PACRG: variants seen among roughly 807,000 people sequenced by gnomAD.
PACRG encodes parkin coregulated.
A neutral mutation model predicts 29.7 loss-of-function variants in PACRG; 29 were observed. The observed-to-expected ratio is 0.98, with a 90% CI of 0.73 to 1.33. The LOEUF is 1.33. PACRG is among the 40% of genes most tolerant of loss of function. The probability of loss-of-function intolerance (pLI) is 0.00; values close to 1 mark genes in which losing one functional copy is unlikely to be tolerated. For missense variants in PACRG, 279 were observed against 316.2 expected (o/e 0.88, Z 0.89); for synonymous variants, 116 against 118.7 (o/e 0.98, Z 0.15).
intron 2 of PACRG, among the ~76,000 whole-genome samples, chr6:162,995,580 T>G (rs991738040): frequency 6.6e-6 from 1 of 152,258 alleles, no homozygotes; most frequent in African/African-American, 2.4e-5. Context: ...CGTGAGGCAA[T>G]GCCTTGCCCT....
intron 1 of PACRG, among the ~76,000 whole-genome samples, chr6:162,752,849 GA>G (rs1188247232): frequency 3.3e-5 from 5 of 152,138 alleles, no homozygotes; most frequent in Non-Finnish European, 7.4e-5. Flanking sequence ...GTATTGTTGA[GA>G]TTTGTATGCT....
At chr6:163,255,189 T>C (rs1783059160) in intron 4 of PACRG, among the ~76,000 whole-genome samples, 1 of 152,086 alleles carries the variant, frequency 6.6e-6, no homozygotes, top group African/African-American at 2.4e-5. Flanking sequence ...GCTGTCTACA[T>C]AGAATTGTTG....
At chr6:162,825,694 G>T (rs1343247367) in intron 2 of PACRG, among the ~76,000 whole-genome samples, 1 of 151,918 alleles carries the variant, frequency 6.6e-6, no homozygotes, top group Admixed American at 6.6e-5. Flanking sequence ...TGAGCTCCTG[G>T]GGTGTGACTT....
At position 163,148,972 on chromosome 6, in the gene PACRG, G is replaced by A. The variant is rs1048595767; in HGVS notation, c.613+59564G>A. 1.4e-4 allele frequency among the ~76,000 whole-genome samples: 13 copies of A among 92,680 alleles called. No individual in the cohort carries two copies. In the South Asian group the frequency reaches 3.0e-3, roughly 22 times the overall value. The allele number at this position is 92,680 out of a possible 152,430, so 60.8% of individuals were successfully genotyped here. On this transcript the variant is annotated intron_variant, in intron 4 of 4. Coordinates refer to ENST00000366888, the MANE Select transcript of PACRG (RefSeq NM_001080379.2). ...TGAAAAATCTATGGCGGGGGGGGGG[G>A]GGGGGGGGGTGGAAAAATGTCCCTG...
chr6:162,918,480 C>T (rs1796849139), intron 2 of PACRG, among the ~76,000 whole-genome samples: 1 of 152,180 alleles, frequency 6.6e-6, no homozygotes, highest in Non-Finnish European at 1.5e-5. Context: ...GCGCTGTGCC[C>T]AGTCTGCAAT....
At chr6:163,137,895 C>A (rs1395580165) in intron 4 of PACRG, among the ~76,000 whole-genome samples, 1 of 152,246 alleles carries the variant, frequency 6.6e-6, no homozygotes, top group East Asian at 1.9e-4. Flanking sequence ...TGCAAATATT[C>A]TCATGCTCCC....
chr6:163,264,688 C>T (rs556779049), intron 4 of PACRG, among the ~76,000 whole-genome samples: 1 of 152,020 alleles, frequency 6.6e-6, no homozygotes, highest in Non-Finnish European at 1.5e-5. Context: ...GCAGAGCTTC[C>T]GCTGGTTGGA....
intron 2 of PACRG, among the ~76,000 whole-genome samples, chr6:162,947,320 TAATA>T (rs1799108303): frequency 3.7e-5 from 2 of 53,676 alleles, no homozygotes; most frequent in African/African-American, 1.1e-4. Context: ...TAATCATATA[TAATA>T]CATATAATCA....
At chr6:162,868,699 G>GA (rs1205350579) in intron 2 of PACRG, among the ~76,000 whole-genome samples, 1 of 152,218 alleles carries the variant, frequency 6.6e-6, no homozygotes, top group African/African-American at 2.4e-5. Context: ...TGCGGGAGGA[G>GA]AATACGCAAC....
chr6:163,207,004 G>T (rs1780930924), intron 4 of PACRG, among the ~76,000 whole-genome samples: 1 of 152,070 alleles, frequency 6.6e-6, no homozygotes, highest in Admixed American at 6.6e-5. Context: ...AGGTCAGTTT[G>T]GTTCGTGTGG....
chr6:163,263,508 A>G (rs954094771), intron 4 of PACRG, among the ~76,000 whole-genome samples: 2 of 152,182 alleles, frequency 1.3e-5, no homozygotes, highest in Non-Finnish European at 2.9e-5. Flanking sequence ...ATATGTGACT[A>G]TTGAACACCC....
At chr6:163,131,916 A>G (rs1239858848) in intron 4 of PACRG, among the ~76,000 whole-genome samples, 2 of 152,210 alleles carry the variant, frequency 1.3e-5, no homozygotes, top group Non-Finnish European at 2.9e-5. Flanking sequence ...TTCATTTACT[A>G]TATCACATTA....
chr6:163,129,197 G>T (rs1002458530), intron 4 of PACRG, among the ~76,000 whole-genome samples: 1 of 152,312 alleles, frequency 6.6e-6, no homozygotes, highest in East Asian at 1.9e-4. Flanking sequence ...AGTTGGGGAA[G>T]GGTCTGGAAT....
Position 162,777,869 on chromosome 6 carries a change from T to TTCCC in PACRG, c.157-36277_157-36274dup, listed in dbSNP as rs766567656. On this transcript the variant is annotated intron_variant, in intron 1 of 4. Transcript: ENST00000366888. This position sits in a 1 kb window ranked among gnomAD's most constrained non-coding sequence, Gnocchi z 4.0. ...CTCCCTACCTTCTTTCTTTCCTTCC[T>TTCCC]TCCCACCCTCCTTCCTTCTTTCCTT... Among the ~76,000 whole-genome samples the TTCCC allele has an allele frequency of 4.5e-4, 68 of 152,108 alleles. No individual in the cohort carries two copies. Among genetic ancestry groups the TTCCC allele is most frequent in the Non-Finnish European group, 7.4e-4 (50 of 68,000 alleles).
chr6:163,311,735 T>A (rs1416647216), intron 4 of PACRG, among the ~76,000 whole-genome samples: 2 of 152,186 alleles, frequency 1.3e-5, no homozygotes, highest in African/African-American at 4.8e-5. Flanking sequence ...CCTATTGTGT[T>A]TTGTTCTTTT....
At position 162,947,583 on chromosome 6, in the gene PACRG, C is replaced by CATATATATATAATCAT. The variant is rs746673462; in HGVS notation, c.292-114558_292-114557insTAATCATATATATATA. On this transcript the variant is annotated intron_variant, in intron 2 of 4. Coordinates refer to ENST00000366888, the MANE Select transcript of PACRG (RefSeq NM_001080379.2). ...TCATATATATATACTCATATATAAT[C>CATATATATATAATCAT]ATATATATAATCATATATATATATA... Among the ~76,000 whole-genome samples, 258 of 42,036 alleles carry CATATATATATAATCAT rather than the reference C, an allele frequency of 6.1e-3. 9 individuals carry two copies. Among genetic ancestry groups the CATATATATATAATCAT allele is most frequent in the African/African-American group, 0.017 (177 of 10,342 alleles). The allele number at this position is 42,036 out of a possible 152,430, so 27.6% of individuals were successfully genotyped here. A position where few individuals can be genotyped will look rare whatever the true frequency, so the allele number is the denominator to read the frequency against.
At chr6:162,878,265 A>G (rs1793541063) in intron 2 of PACRG, among the ~76,000 whole-genome samples, 1 of 152,232 alleles carries the variant, frequency 6.6e-6, no homozygotes, top group Non-Finnish European at 1.5e-5. Context: ...GAAATGAGAT[A>G]TTAAATTATA....
chr6:163,088,987 C>G (rs1397053867), intron 3 of PACRG, among the ~76,000 whole-genome samples: 1 of 152,092 alleles, frequency 6.6e-6, no homozygotes, highest in African/African-American at 2.4e-5. Flanking sequence ...AACTCAGAGC[C>G]CCGGCCTCTT....
At chr6:163,197,103 A>G (rs1780491467) in intron 4 of PACRG, among the ~76,000 whole-genome samples, 1 of 152,186 alleles carries the variant, frequency 6.6e-6, no homozygotes, top group Admixed American at 6.5e-5. Context: ...AAAAACTTGA[A>G]CCTAAAATTT....
Sources: allele counts gnomAD v4.1 joint callset (sites outside exome capture counted in the v4.1 genomes callset), GRCh38; gene constraint gnomAD v4.1.1; non-coding constraint Gnocchi (gnomAD v3.1); transcripts MANE v1.5; gene names NCBI Gene and HGNC (gene_info 2026-07-23, HGNC 2026-07-21).